The following STRN3 variants were observed in gnomAD, a reference collection of about 807,000 sequenced individuals.
The protein encoded by STRN3 is striatin 3, also known as striatin-3.
Under a neutral mutation model 95.6 loss-of-function variants are expected in STRN3, and 29 were observed. The ratio of observed to expected loss-of-function variants is 0.30; its 90% CI spans 0.23 to 0.41. The LOEUF is 0.41. Among genes scored for constraint, STRN3 ranks in the 10% least tolerant of loss-of-function variants. The pLI, the probability that STRN3 is intolerant of heterozygous loss-of-function variation, is 1.00. For synonymous variants in STRN3, 331 were observed against 357.6 expected (o/e 0.93, Z 0.84); for missense variants, 890 against 972.1 (o/e 0.92, Z 1.12).
chr14:31,011,624 C>CA (rs1172907698), intron 1 of STRN3, among the ~76,000 whole-genome samples: 2 of 152,066 alleles, frequency 1.3e-5, no homozygotes, highest in African/African-American at 4.8e-5. Context: ...GCCTGGGCGA[C>CA]AGAGCGAGAC....
intron 8 of STRN3, among the ~76,000 whole-genome samples, chr14:30,921,902 G>A (rs1473835348): frequency 2.0e-5 from 3 of 151,904 alleles, no homozygotes; most frequent in Non-Finnish European, 2.9e-5. Context: ...ACAAGGTCTT[G>A]CCCTGTCACC....
At chr14:30,916,564 C>T (rs1594431845) in intron 9 of STRN3, among the ~76,000 whole-genome samples, 2 of 151,890 alleles carry the variant, frequency 1.3e-5, no homozygotes, top group Admixed American at 6.6e-5. Context: ...TGTGAGCCAC[C>T]GCGCCCGGCC....
At chr14:31,011,797 T>C (rs574028974) in intron 1 of STRN3, among the ~76,000 whole-genome samples, 2 of 152,250 alleles carry the variant, frequency 1.3e-5, no homozygotes, top group African/African-American at 4.8e-5. Context: ...TATTTTTTAT[T>C]TTTTTGAGGC....
intron 1 of STRN3, among the ~76,000 whole-genome samples, chr14:31,022,501 A>G (rs747059487): frequency 2.6e-5 from 4 of 152,082 alleles, no homozygotes; most frequent in Non-Finnish European, 5.9e-5. Context: ...TACTACATAC[A>G]AACTATAAAG....
At chr14:31,000,029 C>CA (rs1465818470) in intron 1 of STRN3, among the ~76,000 whole-genome samples, 4 of 152,122 alleles carry the variant, frequency 2.6e-5, no homozygotes, top group African/African-American at 9.7e-5. Flanking sequence ...CTATATCCAA[C>CA]AAAACTATCC....
chr14:30,929,979 A>AAAAAAAAAAAACAAAAAAAAAAAC (rs1566441550), intron 7 of STRN3, among the ~76,000 whole-genome samples: 2 of 147,388 alleles, frequency 1.4e-5, no homozygotes, highest in Admixed American at 6.8e-5. Flanking sequence ...AAAAAAAAAA[A>AAAAAAAAAAAACAAAAAAAAAAAC]CTCAAATTCC....
intron 16 of STRN3, among the ~76,000 whole-genome samples, chr14:30,897,227 G>A (rs1445440323): frequency 6.6e-6 from 1 of 152,146 alleles, no homozygotes; most frequent in Non-Finnish European, 1.5e-5. Flanking sequence ...TATAGCTGTT[G>A]ACCTGAATAC....
chr14:30,938,975 G>T (rs1355428944), intron 5 of STRN3, among the ~76,000 whole-genome samples: 1 of 152,092 alleles, frequency 6.6e-6, no homozygotes, highest in South Asian at 2.1e-4. Flanking sequence ...CTGTTTCATG[G>T]ATCCTGAAAT....
intron 9 of STRN3, among the ~76,000 whole-genome samples, chr14:30,918,471 T>C (rs540285899): frequency 2.0e-5 from 3 of 150,636 alleles, no homozygotes; most frequent in Admixed American, 2.0e-4. Context: ...ATCATGCCAC[T>C]GCACTCCAGC....
chr14:30,903,234 A>G (rs574887400), intron 15 of STRN3, among the ~76,000 whole-genome samples: 1 of 152,084 alleles, frequency 6.6e-6, no homozygotes, highest in East Asian at 1.9e-4. Flanking sequence ...ATGTATCGCA[A>G]CTCATATATT....
chr14:30,947,512 C>T (rs1879422373), intron 4 of STRN3, among the ~76,000 whole-genome samples: 1 of 152,018 alleles, frequency 6.6e-6, no homozygotes, highest in Non-Finnish European at 1.5e-5. Context: ...CCAAGAAGCC[C>T]TAGTGTCTTA....
At chr14:30,898,678 AC>A (rs1295954279) in intron 16 of STRN3, among the ~76,000 whole-genome samples, 2 of 152,190 alleles carry the variant, frequency 1.3e-5, no homozygotes, top group African/African-American at 2.4e-5. Context: ...ACTAACATAT[AC>A]CTGCAGCTTC....
At position 30,918,951 on chromosome 14, in the gene STRN3, A is replaced by G; in HGVS notation, c.1240+15T>C. The G allele has an allele frequency of 6.4e-7, 1 of 1,552,316 alleles. No individual in the cohort carries two copies. Among genetic ancestry groups the G allele is most frequent in the South Asian group, 1.2e-5 (1 of 82,076 alleles). ...CTTCTGAAATGTAAATAAACATGGT[A>G]GCTAAATTTTGTACCTTCCTCTGCT... On this transcript the variant is annotated intron_variant, in intron 9 of 17. Transcript: ENST00000357479.
chr14:30,898,487 T>C (rs1037360288), intron 16 of STRN3, among the ~76,000 whole-genome samples: 2 of 152,200 alleles, frequency 1.3e-5, no homozygotes, highest in Non-Finnish European at 2.9e-5. Flanking sequence ...CTTAAGTCAA[T>C]TGAGAGTTAA....
intron 7 of STRN3, among the ~76,000 whole-genome samples, chr14:30,931,421 T>C (rs185077598): frequency 3.0e-4 from 45 of 152,316 alleles, no homozygotes; most frequent in Middle Eastern, 3.4e-3. Context: ...CGTAAGAAAG[T>C]TGACTCCTGA....
chr14:30,929,719 G>A (rs1239969168), intron 7 of STRN3, among the ~76,000 whole-genome samples: 1 of 151,884 alleles, frequency 6.6e-6, no homozygotes. Context: ...AGCTAGAAAG[G>A]TAAGTGCTGT....
chr14:30,911,889 A>C, intron 11 of STRN3, 65 bp from the exon 12 acceptor site: 1 of 1,565,712 alleles, frequency 6.4e-7, no homozygotes, highest in Non-Finnish European at 8.7e-7. Context: ...TCACTGGTTG[A>C]TATTAAATAG....
intron 1 of STRN3, among the ~76,000 whole-genome samples, chr14:31,019,965 CT>C (rs1883427349): frequency 6.6e-6 from 1 of 151,540 alleles, no homozygotes; most frequent in African/African-American, 2.4e-5. Flanking sequence ...TCAAGTGATC[CT>C]CCCATTTCAA....
At position 30,983,691 on chromosome 14, in the gene STRN3, T is replaced by C. The variant is rs181072935; in HGVS notation, c.283-27449A>G. Among the ~76,000 whole-genome samples the C allele has an allele frequency of 5.9e-5, 9 of 152,302 alleles. No individual in the cohort carries two copies. In the East Asian group the frequency reaches 1.7e-3, roughly 29 times the overall value. ...TAATGATCAAAATGAAAGAAATATT[T>C]AAGAGAGTTAAGAAAGTAAAGATGA... On this transcript the variant is annotated intron_variant, in intron 1 of 17. Coordinates refer to ENST00000357479, the MANE Select transcript of STRN3 (RefSeq NM_001083893.2).
Sources: gnomAD v4.1 joint callset for allele counts (sites outside exome capture counted in the v4.1 genomes callset) on GRCh38, gnomAD v4.1.1 for gene constraint, MANE v1.5 for transcripts, NCBI Gene and HGNC (gene_info 2026-07-23, HGNC 2026-07-21) for gene names.